Variants in CACNA1G observed in about 807,000 individuals in gnomAD.
CACNA1G encodes the protein calcium voltage-gated channel subunit alpha1 G.
CACNA1G carries 67 observed loss-of-function variants against 219.4 expected under a neutral mutation model. The observed-to-expected ratio is 0.31, with a 90% CI of 0.25 to 0.37. The LOEUF is 0.37. Ranked by LOEUF, CACNA1G falls within the 10% of genes least tolerant of loss-of-function variation. CACNA1G has a pLI of 1.00. For missense variants in CACNA1G, 2,380 were observed against 3,231.4 expected (o/e 0.74, Z 6.39); for synonymous variants, 1,296 against 1,345.3 (o/e 0.96, Z 0.80).
chr17:50,585,836 T>C (rs1548530), intron 9 of CACNA1G, among the ~76,000 whole-genome samples: 67,449 of 152,114 alleles, frequency 0.44, 16,133 homozygotes, highest in East Asian at 0.89. Context: ...AGCCTGTCTG[T>C]GCCCCTGTCC....
chr17:50,607,512 G>T, intron 24 of CACNA1G: 1 of 306,118 alleles, frequency 3.3e-6, no homozygotes. Flanking sequence ...AAAAAATAAT[G>T]GTGAGTTTTA....
At chr17:50,614,994 C>T (rs2050152411) in intron 26 of CACNA1G, among the ~76,000 whole-genome samples, 1 of 152,208 alleles carries the variant, frequency 6.6e-6, no homozygotes, top group South Asian at 2.1e-4. Flanking sequence ...CTGAGGAGAC[C>T]AGTTGTTTTT....
chr17:50,606,215 C>T (rs1165232757), intron 23 of CACNA1G, 192 bp downstream of exon 23: 1 of 813,712 alleles, frequency 1.2e-6, no homozygotes, highest in Middle Eastern at 2.2e-4. Context: ...AAAGTGGGCC[C>T]ATGGGGTCTC....
Position 50,591,415 on chromosome 17 carries a change from G to A in CACNA1G, c.2454-20G>A, listed in dbSNP as rs370301650. 3.9e-5 allele frequency: 59 copies of A among 1,521,720 alleles called. No individual in the cohort carries two copies. The highest frequency in any genetic ancestry group is 5.1e-5 in the Non-Finnish European group (58 of 1,135,516). The allele number at this position is 1,521,720 out of a possible 1,614,324, so 94.3% of individuals were successfully genotyped here. On this transcript the variant is annotated intron_variant, in intron 10 of 37. Coordinates refer to ENST00000359106, the MANE Select transcript of CACNA1G (RefSeq NM_018896.5). ...GAGGGTGAAGGTGCAGGGGGCTCAG[G>A]CTGCCTGCCCCCTTTGCAGCGTGTG...
chr17:50,574,564 C>T (rs2040200904), intron 7 of CACNA1G, among the ~76,000 whole-genome samples: 1 of 145,220 alleles, frequency 6.9e-6, no homozygotes, highest in African/African-American at 2.8e-5. Flanking sequence ...TCACCATGTG[C>T]CCCCCCCACC....
chr17:50,561,111 C>A lies in CACNA1G; in HGVS notation c.-349C>A, dbSNP rs567430839. 4.8e-4 allele frequency: 215 copies of A among 447,836 alleles called. 3 individuals carry two copies. The highest frequency in any genetic ancestry group is 4.2e-3 in the African/African-American group (197 of 47,090). 27.7% of individuals were successfully genotyped at this position (447,836 alleles called of 1,614,324 possible). A position where few individuals can be genotyped will look rare whatever the true frequency, so the allele number is the denominator to read the frequency against. On this transcript the variant is annotated 5_prime_UTR_variant, in exon 1 of 38. Coordinates refer to ENST00000359106, the MANE Select transcript of CACNA1G (RefSeq NM_018896.5). ...CCCCTTTTCGTTCGCCCTCTCGGGG[C>A]GGCTTCGCCGAAGGTAGCGCCGAAT...
intron 22 of CACNA1G, 108 bp from the exon 23 acceptor site, chr17:50,605,790 C>A: frequency 8.2e-7 from 1 of 1,222,982 alleles, no homozygotes; most frequent in African/African-American, 1.5e-5. Context: ...CAGAGCACCC[C>A]ACACTCACTC....
Position 50,567,793 on chromosome 17 carries a change from G to A in CACNA1G, c.243-1077G>A, listed in dbSNP as rs555773159. The stretch of plus-strand genomic sequence containing the variant: ...CAGTGCCTGGAACCTTCTAAGGTCC[G>A]GAGGCCGTTTTGTACATTCTCCTGC... On this transcript the variant is annotated intron_variant, in intron 1 of 37. Coordinates refer to ENST00000359106, the MANE Select transcript of CACNA1G (RefSeq NM_018896.5). Among the ~76,000 whole-genome samples, 16 of 152,220 alleles carry A rather than the reference G, an allele frequency of 1.1e-4. No individual in the cohort carries two copies. The South Asian group carries it at 1.9e-3, about 18-fold the overall frequency.
chr17:50,611,524 T>A (rs1039360102), intron 26 of CACNA1G, among the ~76,000 whole-genome samples: 1 of 152,182 alleles, frequency 6.6e-6, no homozygotes, highest in Non-Finnish European at 1.5e-5. Context: ...GCAGTGGTGT[T>A]TGGCATTGAG....
In CACNA1G at chr17:50,618,948, G is replaced by A; in HGVS notation, c.5721G>A (p.Gly1907=). Residue 1907 remains glycine (G), a synonymous_variant, in exon 33 of 38, where the codon GGG becomes GGA. Transcript: ENST00000359106. The surrounding 1 kb of genome is among the most constrained non-coding windows in gnomAD (Gnocchi z 5.3). ...ACAGCCCCGACAGCCCCAAGCCTGG[G>A]GCTCTGCACCCAGCGGCCCACGCGA... is the stretch of plus-strand genomic sequence containing the variant. ...GPDSPDSPKP[G]ALHPAAHARS... 6.3e-7 allele frequency: 1 copy of A among 1,586,908 alleles called. No individual in the cohort carries two copies. The highest frequency in any genetic ancestry group is 1.1e-5 in the South Asian group (1 of 88,512).
intron 8 of CACNA1G, among the ~76,000 whole-genome samples, chr17:50,577,616 C>T (rs2040981925): frequency 6.6e-6 from 1 of 151,452 alleles, no homozygotes; most frequent in African/African-American, 2.4e-5. Context: ...TGCATGTGTG[C>T]ATATGTCTGG....
Position 50,621,757 on chromosome 17 carries a change from A to G in CACNA1G, c.6023A>G (p.Asp2008Gly). Residue 2008 changes from aspartate (D) to glycine (G), a missense_variant, in exon 35 of 38, where the codon GAC becomes GGC. Physicochemically the swap from Asp to Gly is moderately conservative, Grantham distance 94. Transcript: ENST00000359106. The surrounding 1 kb of genome is among the most constrained non-coding windows in gnomAD (Gnocchi z 4.6). ...LALTDDSLPD[D>G]MHTLLLSALE... ...CTGACGGATGACTCTTTGCCTGATG[A>G]CATGCACACACTCTTACTTAGTGCC... is the stretch of plus-strand genomic sequence containing the variant. The G allele has an allele frequency of 6.2e-7, 1 of 1,613,916 alleles. No individual in the cohort carries two copies. Among genetic ancestry groups the G allele is most frequent in the Non-Finnish European group, 8.5e-7 (1 of 1,179,856 alleles).
In CACNA1G at chr17:50,600,807, A is replaced by G; in HGVS notation, c.3772A>G (p.Ile1258Val). 1 of 1,613,686 alleles carries G rather than the reference A, an allele frequency of 6.2e-7. No individual in the cohort carries two copies. The highest frequency in any genetic ancestry group is 1.1e-5 in the South Asian group (1 of 91,080). ...CLERDSWSAY[I>V]FPPQSRFRLL... is the part of the protein sequence containing the mutation. Reference sequence around the variant, plus strand: ...CGAGCGAGACTCCTGGTCAGCCTACATCTTCCCTCCTCAGTCCAGGTAAGT... The same window carrying G: ...CGAGCGAGACTCCTGGTCAGCCTACGTCTTCCCTCCTCAGTCCAGGTAAGT... Residue 1258 changes from isoleucine to valine, a missense_variant, in exon 18 of 38, where the codon ATC becomes GTC. By Grantham distance (29) the Ile-to-Val change is conservative. Transcript: ENST00000359106. This position sits in a 1 kb window ranked among gnomAD's most constrained non-coding sequence, Gnocchi z 4.1.
Position 50,624,244 on chromosome 17 carries a change from G to A in CACNA1G, c.6230-116G>A. ...GCTTTGAGTCCAGGGGGTAAGGGTA[G>A]AGGCCCTGATGAGGGGGAGAGAGTG... On this transcript the variant is annotated intron_variant, in intron 36 of 37. Coordinates refer to ENST00000359106, the MANE Select transcript of CACNA1G (RefSeq NM_018896.5). 5.6e-6 allele frequency: 7 copies of A among 1,253,784 alleles called. 1 individual carries two copies. In the South Asian group the frequency reaches 7.9e-5, roughly 14 times the overall value. The allele number at this position is 1,253,784 out of a possible 1,614,324, so 77.7% of individuals were successfully genotyped here.
chr17:50,581,560 C>A (rs1288199618), intron 9 of CACNA1G, among the ~76,000 whole-genome samples: 1 of 152,204 alleles, frequency 6.6e-6, no homozygotes, highest in African/African-American at 2.4e-5. Flanking sequence ...TGCGCTACCC[C>A]ACCATCCTCC....
At chr17:50,580,522 G>A (rs2041728357) in intron 9 of CACNA1G, among the ~76,000 whole-genome samples, 1 of 152,234 alleles carries the variant, frequency 6.6e-6, no homozygotes, top group African/African-American at 2.4e-5. Context: ...CACAGACCCA[G>A]GGCAGATGAA....
rs767139338 is a variant in CACNA1G, at chr17:50,621,605, C to A, written c.5926-55C>A. On this transcript the variant is annotated intron_variant, in intron 34 of 37. Transcript: ENST00000359106. The surrounding 1 kb of genome is among the most constrained non-coding windows in gnomAD (Gnocchi z 4.6). The stretch of plus-strand genomic sequence containing the variant: ...GAGAGAGCGCGTGTGTGCGTGTGCA[C>A]GCGCGTGTGCGCTGTCCTGGTTTCT... 3 of 1,592,284 alleles carry A rather than the reference C, an allele frequency of 1.9e-6. No homozygotes were observed. Among genetic ancestry groups the A allele is most frequent in the Middle Eastern group, 1.7e-4 (1 of 6,020 alleles).
At position 50,603,760 on chromosome 17, in the gene CACNA1G, C is replaced by T. The variant is rs1433509708; in HGVS notation, c.4170-395C>T. 6.6e-6 allele frequency among the ~76,000 whole-genome samples: 1 copy of T among 151,870 alleles called. No homozygotes were observed. The highest frequency in any genetic ancestry group is 6.6e-5 in the Admixed American group (1 of 15,250). On this transcript the variant is annotated intron_variant, in intron 21 of 37. Transcript: ENST00000359106. This position sits in a 1 kb window ranked among gnomAD's most constrained non-coding sequence, Gnocchi z 6.4. Reference sequence around the variant, plus strand: ...TGATGTGGACTAATGGCGATGCTTCCCTGACTGTGATAGTCCATCTCCCTC... The same window carrying T: ...TGATGTGGACTAATGGCGATGCTTCTCTGACTGTGATAGTCCATCTCCCTC...
chr17:50,608,099 G>C lies in CACNA1G; in HGVS notation c.4705+80G>C. 3.0e-6 allele frequency: 4 copies of C among 1,344,802 alleles called. No homozygotes were observed. The South Asian group carries it at 5.6e-5, about 19-fold the overall frequency. 83.3% of individuals were successfully genotyped at this position (1,344,802 alleles called of 1,614,324 possible). On this transcript the variant is annotated intron_variant, in intron 25 of 37. Coordinates refer to ENST00000359106, the MANE Select transcript of CACNA1G (RefSeq NM_018896.5). ...CTTGACCTTGGCCTTGCGACTGCAG[G>C]GGGCTGGGCGCTGGGGCCGGGGGCA...
Sources: allele counts gnomAD v4.1 joint callset (sites outside exome capture counted in the v4.1 genomes callset), GRCh38; gene constraint gnomAD v4.1.1; non-coding constraint Gnocchi (gnomAD v3.1); transcripts MANE v1.5; gene names NCBI Gene and HGNC (gene_info 2026-07-23, HGNC 2026-07-21).